Variants in SLC39A1 observed in about 807,000 individuals in gnomAD.
SLC39A1 encodes the protein zinc transporter ZIP1.
A neutral mutation model predicts 21.4 loss-of-function variants in SLC39A1; 17 were observed. The observed-to-expected ratio is 0.79, with a 90% confidence interval of 0.54 to 1.19. The LOEUF (loss-of-function observed/expected upper bound fraction) is 1.19. Ranked by LOEUF, SLC39A1 falls within the 50% of genes most tolerant of loss-of-function variation. The pLI is 0.00. For synonymous variants in SLC39A1, 183 were observed against 185.9 expected (o/e 0.98, Z 0.13); for missense variants, 343 against 399.8 (o/e 0.86, Z 1.21).
rs183849692 is a variant in SLC39A1 at position 153,960,615 on chromosome 1, T to G, written c.458A>C (p.Asn153Thr). Residue 153 changes from asparagine to threonine, a missense_variant, in exon 4 of 4, where the codon AAT becomes ACT. Transcript: ENST00000356205. The stretch of plus-strand genomic sequence containing the variant: ...ATCATGCCAATGCTGCGGCCCACCA[T>G]TCACTGTTCCCAGCAGAGCCCTTGT... ...EETRALLGTVNGGPQHWHDGP... is the reference protein window; with the variant it reads ...EETRALLGTVTGGPQHWHDGP... The G allele has an allele frequency of 6.0e-5, 97 of 1,614,204 alleles. No individual in the cohort carries two copies. In the East Asian group the frequency reaches 2.1e-3, roughly 36 times the overall value.
Position 153,960,039 on chromosome 1 carries a change from GGGAA to G in SLC39A1, c.*55_*58del, listed in dbSNP as rs749859061. The G allele has an allele frequency of 6.6e-6, 10 of 1,520,452 alleles. No individual in the cohort carries two copies. Among genetic ancestry groups the G allele is most frequent in the Non-Finnish European group, 8.9e-6 (10 of 1,129,600 alleles). 94.2% of individuals were successfully genotyped at this position (1,520,452 alleles called of 1,614,324 possible). A position where few individuals can be genotyped will look rare whatever the true frequency, so the allele number is the denominator to read the frequency against. On this transcript the variant is annotated 3_prime_UTR_variant, in exon 4 of 4. Transcript: ENST00000356205. ...CTTCCTATTCCCCACAACTGGGGGA[GGGAA>G]GGGAGAACAGGGGCACCTGATCATC...
In SLC39A1 at chr1:153,959,286, T is replaced by C. The variant is rs1411250857; in HGVS notation, c.*812A>G. The C allele has an allele frequency of 1.0e-5, 4 of 398,822 alleles. No individual in the cohort carries two copies. Among genetic ancestry groups the C allele is most frequent in the African/African-American group, 2.1e-5 (1 of 48,584 alleles). The allele number at this position is 398,822 out of a possible 1,614,324, so 24.7% of individuals were successfully genotyped here. On this transcript the variant is annotated 3_prime_UTR_variant, in exon 4 of 4. Transcript: ENST00000356205. ...GTATTTAAAAAAATGTTTTGGCAGC[T>C]CAGTGTTTATCATCTGGGCATGGGA...
intron 2 of SLC39A1, 71 bp downstream of exon 2, chr1:153,962,446 CCTCCTTTGGTCA>C (rs1295403065): frequency 6.3e-7 from 1 of 1,575,892 alleles, no homozygotes; most frequent in East Asian, 2.2e-5. Flanking sequence ...GCCTTTCCCT[CCTCCTTTGGTCA>C]CTCCCCGCCA....
chr1:153,968,119 G>C (rs925926113), upstream of SLC39A1: 1 of 161,940 alleles, frequency 6.2e-6, no homozygotes, highest in Non-Finnish European at 1.3e-5. Flanking sequence ...CAGACTCTTA[G>C]TCCCCTACTC....
At chr1:153,961,727 T>C (rs3791187) in intron 3 of SLC39A1, among the ~76,000 whole-genome samples, 40,590 of 152,094 alleles carry the variant, frequency 0.27, 6,041 homozygotes, top group Admixed American at 0.38. Flanking sequence ...CCTGCCCCAC[T>C]ATCCAACGGC....
At chr1:153,966,813 T>C (rs563076027), upstream of SLC39A1, 1 of 152,330 alleles carries the variant, frequency 6.6e-6, no homozygotes, top group East Asian at 1.9e-4. Flanking sequence ...GCTACCCTTT[T>C]CTGAAATACT....
chr1:153,960,620 T>A lies in SLC39A1; in HGVS notation c.453A>T (p.Thr151=), dbSNP rs1351555770. ...PLEETRALLG[T]VNGGPQHWHD... is the part of the protein sequence containing the mutation. ...GCCAATGCTGCGGCCCACCATTCAC[T>A]GTTCCCAGCAGAGCCCTTGTTTCCT... is the stretch of plus-strand genomic sequence containing the variant. The change falls in exon 4 of 4, where the codon ACA becomes ACT. Residue 151 remains threonine (T), a synonymous_variant. Coordinates refer to ENST00000356205, the MANE Select transcript of SLC39A1 (RefSeq NM_001271958.2). The A allele has an allele frequency of 6.2e-7, 1 of 1,614,132 alleles. No homozygotes were observed. The highest frequency in any genetic ancestry group is 2.2e-5 in the East Asian group (1 of 44,902).
Position 153,960,402 on chromosome 1 carries a change from C to G in SLC39A1, c.671G>C (p.Ser224Thr), listed in dbSNP as rs1313357557. Residue 224 changes from serine (S) to threonine (T), a missense_variant, in exon 4 of 4, where the codon AGC becomes ACC. Physicochemically the swap from Ser to Thr is moderately conservative, Grantham distance 58. Transcript: ENST00000356205. ...GCTCTGCAACAGCCGCAGGGACAGG[C>G]TGACAGCCAGGATGCCCTTGTGGAG... The part of the protein sequence containing the change: ...LLLHKGILAV[S>T]LSLRLLQSHL... The G allele has an allele frequency of 1.2e-6, 2 of 1,613,948 alleles. No homozygotes were observed. The highest frequency in any genetic ancestry group is 1.7e-5 in the Admixed American group (1 of 60,014).
At chr1:153,963,097 T>C (rs1441946318) in intron 1 of SLC39A1, 3 of 181,354 alleles carry the variant, frequency 1.7e-5, no homozygotes, top group Non-Finnish European at 3.4e-5. Flanking sequence ...AGAGGCCGGG[T>C]CCCCAACTCC....
intron 3 of SLC39A1, among the ~76,000 whole-genome samples, 191 bp from the exon 4 acceptor site, chr1:153,960,945 GTTACGTGTAGACCAAAGTTT>G (rs1362962691): frequency 1.3e-5 from 2 of 152,220 alleles, no homozygotes; most frequent in Admixed American, 6.5e-5. Context: ...CACTCACAGT[GTTACGTGTAGACCAAAGTTT>G]CTCAGCTTTG....
At chr1:153,960,878 G>T in intron 3 of SLC39A1, 124 bp from the exon 4 acceptor site, 1 of 846,476 alleles carries the variant, frequency 1.2e-6, no homozygotes. Flanking sequence ...GTCACACAAA[G>T]ATAGAGTGAA....
upstream of SLC39A1, among the ~76,000 whole-genome samples, chr1:153,964,207 C>T (rs984317954): frequency 1.3e-5 from 2 of 152,258 alleles, no homozygotes; most frequent in South Asian, 2.1e-4. Context: ...GAAGAGCCCC[C>T]AGCGCATTCC....
Position 153,960,013 on chromosome 1 carries a change from C to T in SLC39A1, c.*85G>A. On this transcript the variant is annotated 3_prime_UTR_variant, in exon 4 of 4. Coordinates refer to ENST00000356205, the MANE Select transcript of SLC39A1 (RefSeq NM_001271958.2). ...GTCCTCAGTATTTCCCTTCCCCTTT[C>T]CTTCCTATTCCCCACAACTGGGGGA... 6.7e-7 allele frequency: 1 copy of T among 1,484,206 alleles called. No homozygotes were observed. Among genetic ancestry groups the T allele is most frequent in the Non-Finnish European group, 9.1e-7 (1 of 1,104,486 alleles). 91.9% of individuals were successfully genotyped at this position (1,484,206 alleles called of 1,614,324 possible).
At chr1:153,963,020 C>A in intron 1 of SLC39A1, 1 of 289,364 alleles carries the variant, frequency 3.5e-6, no homozygotes, top group Non-Finnish European at 6.4e-6. Context: ...CTGGTGCCCC[C>A]AGAAAACTAG....
chr1:153,967,806 G>A (rs1273532457), upstream of SLC39A1: 2 of 152,154 alleles, frequency 1.3e-5, no homozygotes, highest in African/African-American at 2.4e-5. Flanking sequence ...CGAAACCTAA[G>A]TCTTCAGCTT....
chr1:153,963,298 A>C (rs1377880585), intron 1 of SLC39A1, 197 bp downstream of exon 1: 1 of 152,288 alleles, frequency 6.6e-6, no homozygotes, highest in East Asian at 1.9e-4. Flanking sequence ...AGGGGCCCTA[A>C]GAGTCTGCGG....
chr1:153,963,608 T>C (rs147374843), upstream of SLC39A1: 455 of 152,402 alleles, frequency 3.0e-3, 3 homozygotes, highest in South Asian at 7.4e-3. Flanking sequence ...CACGACCGAC[T>C]GCCAATGGCA....
rs1680844306 is a variant in SLC39A1, at chr1:153,959,540, T to A, written c.*558A>T. The stretch of plus-strand genomic sequence containing the variant: ...GTTTGGCACTTTAAAAATAGAGGAG[T>A]AAGCAGGACTGGAGAGGCCAGAGAA... On this transcript the variant is annotated 3_prime_UTR_variant, in exon 4 of 4. Transcript: ENST00000356205. 2.8e-6 allele frequency: 1 copy of A among 356,652 alleles called. No individual in the cohort carries two copies. The highest frequency in any genetic ancestry group is 2.1e-5 in the African/African-American group (1 of 47,698). 22.1% of individuals were successfully genotyped at this position (356,652 alleles called of 1,614,324 possible). A position where few individuals can be genotyped will look rare whatever the true frequency, so the allele number is the denominator to read the frequency against.
At chr1:153,966,321 C>CTT (rs1236554241), upstream of SLC39A1, among the ~76,000 whole-genome samples, 6 of 152,236 alleles carry the variant, frequency 3.9e-5, no homozygotes, top group Admixed American at 1.3e-4. Context: ...GGTTCAGCTA[C>CTT]TTACAGGGTA....
Sources: allele counts gnomAD v4.1 joint callset (sites outside exome capture counted in the v4.1 genomes callset), GRCh38; gene constraint gnomAD v4.1.1; transcripts MANE v1.5; gene names NCBI Gene and HGNC (gene_info 2026-07-23, HGNC 2026-07-21).